NPHP4: variants seen among roughly 807,000 people sequenced by gnomAD.
NPHP4 encodes the protein nephrocystin-4.
In NPHP4, 151 loss-of-function variants were observed where a neutral mutation model predicts 155.8. That is an observed-to-expected ratio of 0.97 (90% CI 0.85 to 1.11). The LOEUF (loss-of-function observed/expected upper bound fraction) is 1.11. Ranked by LOEUF, NPHP4 falls within the 50% of genes least tolerant of loss-of-function variation. NPHP4 has a pLI of 0.00. For synonymous variants in NPHP4, 845 were observed against 816.8 expected, an observed-to-expected ratio of 1.03 and a Z score of -0.59; for missense variants, 1,956 against 1,925.7, an observed-to-expected ratio of 1.02 and a Z score of -0.29.
Position 5,880,093 on chromosome 1 carries a change from G to T in NPHP4, c.2611+21C>A, listed in dbSNP as rs550757120. On this transcript the variant is annotated intron_variant, in intron 19 of 29. Coordinates refer to ENST00000378156, the MANE Select transcript of NPHP4 (RefSeq NM_015102.5). The stretch of plus-strand genomic sequence containing the variant: ...ACCACTCACGACCCACCCACACATG[G>T]GCCCAACAGTGTAAACTCACGCCTT... 4.3e-6 allele frequency: 7 copies of T among 1,613,346 alleles called. No homozygotes were observed. In the Admixed American group the frequency reaches 5.0e-5, roughly 12 times the overall value.
At chr1:5,865,058 T>C in intron 27 of NPHP4, 44 bp downstream of exon 27, 2 of 1,591,240 alleles carry the variant, frequency 1.3e-6, no homozygotes, top group South Asian at 2.2e-5. Flanking sequence ...GTCTCCAGGC[T>C]GGGGTTGGGG....
intron 7 of NPHP4, among the ~76,000 whole-genome samples, chr1:5,949,840 G>C (rs992754501): frequency 6.6e-6 from 1 of 152,134 alleles, no homozygotes; most frequent in Non-Finnish European, 1.5e-5. Flanking sequence ...CAGTGAAGTA[G>C]GGAAACCAGC....
intron 9 of NPHP4, among the ~76,000 whole-genome samples, chr1:5,943,910 A>C (rs796225368): frequency 6.6e-6 from 1 of 152,170 alleles, no homozygotes; most frequent in Non-Finnish European, 1.5e-5. Flanking sequence ...CCAATAGCCC[A>C]GGTGGAACGG....
chr1:5,901,929 G>A (rs747854941), intron 16 of NPHP4, among the ~76,000 whole-genome samples: 2 of 152,168 alleles, frequency 1.3e-5, no homozygotes, highest in African/African-American at 2.4e-5. Context: ...GGTTGGAACC[G>A]CCCTGGTGGT....
intron 19 of NPHP4, among the ~76,000 whole-genome samples, chr1:5,877,960 C>T (rs759725299): frequency 6.6e-6 from 1 of 152,264 alleles, no homozygotes; most frequent in Non-Finnish European, 1.5e-5. Context: ...CAGGCCCTTC[C>T]TTCCGACACA....
intron 22 of NPHP4, 27 bp from the exon 23 acceptor site, chr1:5,873,362 G>A (rs1443866008): frequency 4.4e-6 from 7 of 1,597,256 alleles, no homozygotes; most frequent in African/African-American, 2.7e-5. Context: ...GCACAAGCAG[G>A]TCAGGAAGCA....
At chr1:5,901,598 C>T (rs1644685346) in intron 16 of NPHP4, among the ~76,000 whole-genome samples, 1 of 152,214 alleles carries the variant, frequency 6.6e-6, no homozygotes, top group Non-Finnish European at 1.5e-5. Flanking sequence ...CTGGGAAATT[C>T]ATCATGGAAA....
Position 5,889,682 on chromosome 1 carries a change from T to C in NPHP4, c.2304+1186A>G, listed in dbSNP as rs1363261592. On this transcript the variant is annotated intron_variant, in intron 17 of 29. Transcript: ENST00000378156. The surrounding 1 kb of genome is among the most constrained non-coding windows in gnomAD (Gnocchi z 4.2). Reference sequence around the variant, plus strand: ...GAGGCCTGTGCTAGAGATGCTGTGGTGTCGACACACAGTCCTGCCCTGGGG... The same window carrying C: ...GAGGCCTGTGCTAGAGATGCTGTGGCGTCGACACACAGTCCTGCCCTGGGG... 3.3e-5 allele frequency among the ~76,000 whole-genome samples: 5 copies of C among 152,138 alleles called. No homozygotes were observed. The highest frequency in any genetic ancestry group is 5.9e-5 in the Non-Finnish European group (4 of 68,012).
At chr1:5,941,289 C>CAAAAAAAAAAAAAGAA (rs1646800904) in intron 9 of NPHP4, among the ~76,000 whole-genome samples, 1 of 44,776 alleles carries the variant, frequency 2.2e-5, no homozygotes, top group Non-Finnish European at 3.7e-5. Flanking sequence ...GAGATCTAGA[C>CAAAAAAAAAAAAAGAA]AAAAAAAAAA....
chr1:5,953,347 G>A (rs1570613201), intron 6 of NPHP4, among the ~76,000 whole-genome samples: 2 of 152,086 alleles, frequency 1.3e-5, no homozygotes, highest in Admixed American at 1.3e-4. Flanking sequence ...CTTGTGATCC[G>A]CCTACCTCGG....
intron 3 of NPHP4, among the ~76,000 whole-genome samples, chr1:5,972,285 T>C (rs770818774): frequency 6.6e-6 from 1 of 152,256 alleles, no homozygotes; most frequent in Non-Finnish European, 1.5e-5. Flanking sequence ...TCCTACCCTC[T>C]GGCTCAGACT....
At chr1:5,948,854 G>A (rs778441852) in intron 7 of NPHP4, among the ~76,000 whole-genome samples, 1 of 152,196 alleles carries the variant, frequency 6.6e-6, no homozygotes, top group Non-Finnish European at 1.5e-5. Context: ...ATATTAAAGT[G>A]TTTCATCTTA....
At chr1:5,922,480 A>C (rs776004060) in intron 11 of NPHP4, among the ~76,000 whole-genome samples, 7 of 152,210 alleles carry the variant, frequency 4.6e-5, no homozygotes, top group Non-Finnish European at 8.8e-5. Context: ...AGTAAGTCTG[A>C]AAACTAAGAA....
At position 5,877,193 on chromosome 1, in the gene NPHP4, C is replaced by T. The variant is rs77973802; in HGVS notation, c.2717G>A (p.Arg906His). 1.9e-4 allele frequency: 299 copies of T among 1,604,260 alleles called. 2 individuals are homozygous for T. The East Asian group carries it at 6.0e-3, about 32-fold the overall frequency. Residue 906 changes from arginine (R) to histidine (H), a missense_variant, in exon 20 of 30, where the codon CGC (arginine) becomes CAC (histidine). By Grantham distance (29) the Arg-to-His change is conservative (BLOSUM62 0). Coordinates refer to ENST00000378156, the MANE Select transcript of NPHP4 (RefSeq NM_015102.5). ...ACGCCTGCGGGTGGCATCCGACTCG[C>T]GGCTGACGTCCTGGGGCCCCTTGCC... is the stretch of plus-strand genomic sequence containing the variant. ...RQGKGPQDVS[R>H]ESDATRRRKL... is the part of the protein sequence containing the mutation.
intron 18 of NPHP4, chr1:5,880,630 C>T: frequency 4.2e-6 from 1 of 238,656 alleles, no homozygotes; most frequent in Non-Finnish European, 8.4e-6. Context: ...TGTGCATTTA[C>T]ACGTGCAAAT....
intron 4 of NPHP4, among the ~76,000 whole-genome samples, chr1:5,967,897 G>C (rs1651827505): frequency 6.6e-6 from 1 of 151,948 alleles, no homozygotes; most frequent in African/African-American, 2.4e-5. Context: ...CAAGTCAGTG[G>C]TGTCAAGCTT....
intron 1 of NPHP4, among the ~76,000 whole-genome samples, chr1:5,992,023 C>T (rs573710221): frequency 6.6e-6 from 1 of 150,722 alleles, no homozygotes; most frequent in East Asian, 2.0e-4. Flanking sequence ...CCCCAAGTGT[C>T]CCGACGAGGG....
At chr1:5,906,406 C>T (rs1389294616) in intron 13 of NPHP4, among the ~76,000 whole-genome samples, 2 of 152,238 alleles carry the variant, frequency 1.3e-5, no homozygotes, top group Non-Finnish European at 2.9e-5. Context: ...CTTTCTGTTT[C>T]AGCCCAGAGG....
chr1:5,910,868 G>C lies in NPHP4; in HGVS notation c.1442-1655C>G, dbSNP rs1645146368. Reference sequence around the variant, plus strand: ...GAAACCCTGCTAAGGGCCTGTGGATGGGTGGAAGGCATTGGGGCAAGGCCA... The same window carrying C: ...GAAACCCTGCTAAGGGCCTGTGGATCGGTGGAAGGCATTGGGGCAAGGCCA... On this transcript the variant is annotated intron_variant, in intron 11 of 29. Transcript: ENST00000378156. This position sits in a 1 kb window ranked among gnomAD's most constrained non-coding sequence, Gnocchi z 5.4. Among the ~76,000 whole-genome samples the C allele has an allele frequency of 6.6e-6, 1 of 152,188 alleles. No individual in the cohort carries two copies. Among genetic ancestry groups the C allele is most frequent in the South Asian group, 2.1e-4 (1 of 4,828 alleles).
Sources: gnomAD v4.1 joint callset for allele counts (sites outside exome capture counted in the v4.1 genomes callset) on GRCh38, gnomAD v4.1.1 for gene constraint, Gnocchi (gnomAD v3.1) non-coding constraint, MANE v1.5 for transcripts, NCBI Gene and HGNC (gene_info 2026-07-23, HGNC 2026-07-21) for gene names.